DMD: variants seen among roughly 807,000 people sequenced by gnomAD.
The protein encoded by DMD is mutant dystrophin.
In DMD, 63 loss-of-function variants were observed where a neutral mutation model predicts 330.1. That is an observed-to-expected ratio of 0.19 (90% CI 0.16 to 0.24). The LOEUF (loss-of-function observed/expected upper bound fraction) is 0.24. Among genes scored for constraint, DMD ranks in the 10% least tolerant of loss-of-function variants. DMD has a pLI of 1.00. For missense variants in DMD, 3,344 were observed against 2,684.1 expected, an observed-to-expected ratio of 1.25 and a Z score of -5.43; for synonymous variants, 1,223 against 959.8, an observed-to-expected ratio of 1.27 and a Z score of -5.07.
chrX:32,094,856 AC>A (rs758522914), intron 44 of DMD, among the ~76,000 whole-genome samples: 25 of 111,770 alleles, frequency 2.2e-4, no homozygotes, highest in African/African-American at 6.5e-4. Context: ...CACTGTAAAT[AC>A]CAAATGAGCT....
chrX:32,268,610 T>C (rs1018375180), intron 43 of DMD, among the ~76,000 whole-genome samples: 1 of 111,459 alleles, frequency 9.0e-6, no homozygotes, highest in African/African-American at 3.3e-5. Flanking sequence ...AGAAACTATT[T>C]GAACTCACAT....
At chrX:31,193,265 A>G (rs1050704626) in intron 67 of DMD, among the ~76,000 whole-genome samples, 3 of 112,859 alleles carry the variant, frequency 2.7e-5, no homozygotes, top group African/African-American at 9.7e-5. Flanking sequence ...TGTATTTATT[A>G]GACATCTGTT....
intron 45 of DMD, among the ~76,000 whole-genome samples, chrX:31,959,908 G>A (rs770181900): frequency 9.2e-6 from 1 of 108,275 alleles, no homozygotes; most frequent in South Asian, 4.1e-4. Flanking sequence ...GGGACTACAG[G>A]CCCACGTCTG....
At chrX:32,807,803 A>G (rs924690022) in intron 7 of DMD, among the ~76,000 whole-genome samples, 1 of 111,927 alleles carries the variant, frequency 8.9e-6, no homozygotes, top group South Asian at 3.7e-4. Context: ...AAGGAGCACT[A>G]GAGGTCAAAA....
At chrX:32,782,006 A>G (rs761989785) in intron 7 of DMD, among the ~76,000 whole-genome samples, 2 of 111,676 alleles carry the variant, frequency 1.8e-5, no homozygotes, top group South Asian at 3.7e-4. Context: ...TAAGAAAAAA[A>G]TTATTATTGT....
At chrX:32,541,462 A>T (rs1375338481) in intron 17 of DMD, among the ~76,000 whole-genome samples, 12 of 112,420 alleles carry the variant, frequency 1.1e-4, no homozygotes, top group African/African-American at 3.9e-4. Flanking sequence ...TCCTCATGAC[A>T]GTTGTTTTAT....
chrX:32,757,331 A>C (rs1264269100), intron 7 of DMD, among the ~76,000 whole-genome samples: 1 of 111,834 alleles, frequency 8.9e-6, no homozygotes, highest in Non-Finnish European at 1.9e-5. Flanking sequence ...TATATGATTC[A>C]GGGATATAAT....
chrX:32,996,374 G>A (rs1253610924), intron 2 of DMD, among the ~76,000 whole-genome samples: 1 of 111,703 alleles, frequency 9.0e-6, no homozygotes, highest in Non-Finnish European at 1.9e-5. Flanking sequence ...AGTACACATT[G>A]TAATATTTTA....
chrX:32,187,894 T>C (rs1490214018), intron 44 of DMD, among the ~76,000 whole-genome samples: 1 of 111,352 alleles, frequency 9.0e-6, no homozygotes, highest in Non-Finnish European at 1.9e-5. Context: ...AATGTAAATG[T>C]ATTTCAGTAA....
chrX:33,015,095 A>C (rs1452628649), intron 2 of DMD, among the ~76,000 whole-genome samples: 1 of 111,721 alleles, frequency 9.0e-6, no homozygotes, highest in African/African-American at 3.2e-5. Context: ...ACCATTGTGG[A>C]AGTCAGTGTA....
intron 44 of DMD, among the ~76,000 whole-genome samples, chrX:32,117,152 C>T (rs2096614318): frequency 9.0e-6 from 1 of 110,525 alleles, no homozygotes; most frequent in African/African-American, 3.3e-5. Flanking sequence ...CAGTGCCAGA[C>T]GACAAATGGG....
At chrX:32,589,832 G>A (rs978392455) in intron 13 of DMD, among the ~76,000 whole-genome samples, 1 of 111,295 alleles carries the variant, frequency 9.0e-6, no homozygotes, top group Non-Finnish European at 1.9e-5. Context: ...CACTCCTACA[G>A]GGGCACACTT....
rs192775969 is a variant in DMD at position 32,631,215 on chromosome X, G to A, written c.1331+12917C>T. On this transcript the variant is annotated intron_variant, in intron 11 of 78. Transcript: ENST00000357033. Reference sequence around the variant, plus strand: ...CTCTCTCTGTGATGAGCTGCCTGGAGCTAAAGGAGAGGTGACACAAGCACC... The same window carrying A: ...CTCTCTCTGTGATGAGCTGCCTGGAACTAAAGGAGAGGTGACACAAGCACC... 8.8e-3 allele frequency among the ~76,000 whole-genome samples: 984 copies of A among 111,380 alleles called. 11 individuals carry two copies. The highest frequency in any genetic ancestry group is 0.031 in the African/African-American group (947 of 30,601).
chrX:32,093,509 G>A (rs1406082379), intron 44 of DMD, among the ~76,000 whole-genome samples: 2 of 111,945 alleles, frequency 1.8e-5, no homozygotes, highest in Admixed American at 9.5e-5. Flanking sequence ...ATTAAAATAT[G>A]TTAATTATTT....
At chrX:31,948,485 C>T (rs2150081580) in intron 45 of DMD, among the ~76,000 whole-genome samples, 1 of 111,134 alleles carries the variant, frequency 9.0e-6, no homozygotes, top group Non-Finnish European at 1.9e-5. Flanking sequence ...CCATTACCAC[C>T]TATGGTGTAC....
rs1428105401 is a variant in DMD at position 32,258,194 on chromosome X, G to C, written c.6290+29335C>G. On this transcript the variant is annotated intron_variant, in intron 43 of 78. Transcript: ENST00000357033. ...TGCTGGAGAGGATGTGGAGAAAAAG[G>C]AACGCTTTTACACTGTTGGTGGGAC... is the stretch of plus-strand genomic sequence containing the variant. Among the ~76,000 whole-genome samples the C allele has an allele frequency of 1.6e-4, 18 of 111,755 alleles. No homozygotes were observed. In the Admixed American group the frequency reaches 1.7e-3, roughly 11 times the overall value.
intron 21 of DMD, among the ~76,000 whole-genome samples, chrX:32,482,050 TAAACC>T (rs1311290964): frequency 1.8e-5 from 2 of 112,077 alleles, no homozygotes; most frequent in Non-Finnish European, 3.8e-5. Flanking sequence ...TTTGCAAAAC[TAAACC>T]AAACCAATAA....
chrX:32,433,796 A>G (rs1401157437), intron 29 of DMD, among the ~76,000 whole-genome samples: 1 of 112,137 alleles, frequency 8.9e-6, no homozygotes, highest in Non-Finnish European at 1.9e-5. Context: ...ACCAAATACT[A>G]TTACCAATAT....
chrX:32,311,328 C>T (rs2097561577), intron 41 of DMD, among the ~76,000 whole-genome samples: 1 of 110,847 alleles, frequency 9.0e-6, no homozygotes, highest in Admixed American at 9.6e-5. Context: ...CAACACCATA[C>T]TTATTTTTGC....
Sources: allele counts gnomAD v4.1 joint callset (sites outside exome capture counted in the v4.1 genomes callset), GRCh38; gene constraint gnomAD v4.1.1; transcripts MANE v1.5; gene names NCBI Gene and HGNC (gene_info 2026-07-23, HGNC 2026-07-21).